The following EPHB1 variants were observed in gnomAD, a reference collection of about 807,000 sequenced individuals.
The protein encoded by EPHB1 is EPH receptor B1.
EPHB1 carries 30 observed loss-of-function variants against 94.4 expected under a neutral mutation model. The observed-to-expected ratio is 0.32, with a 90% CI of 0.24 to 0.43. EPHB1 has a LOEUF of 0.43. Among genes scored for constraint, EPHB1 ranks in the 20% least tolerant of loss-of-function variants. The pLI is 1.00. For synonymous variants in EPHB1, 522 were observed against 489.1 expected, an observed-to-expected ratio of 1.07 and a Z score of -0.89; for missense variants, 1,055 against 1,308.3, an observed-to-expected ratio of 0.81 and a Z score of 2.99.
intron 3 of EPHB1, among the ~76,000 whole-genome samples, chr3:135,044,148 T>C (rs968184828): frequency 6.6e-6 from 1 of 152,234 alleles, no homozygotes; most frequent in Non-Finnish European, 1.5e-5. Flanking sequence ...TTATTGCAGC[T>C]TGCCAGGATG....
chr3:135,123,465 G>A (rs1268887980), intron 4 of EPHB1, among the ~76,000 whole-genome samples: 2 of 152,228 alleles, frequency 1.3e-5, no homozygotes, highest in African/African-American at 2.4e-5. Context: ...TCTGCTCCAG[G>A]GAAAGGACCC....
Position 134,811,242 on chromosome 3 carries a change from GTTTTTTT to G in EPHB1, c.58+15568_58+15574del, listed in dbSNP as rs397966930. On this transcript the variant is annotated intron_variant, in intron 1 of 15. Transcript: ENST00000398015. ...TCTCATAGTTGCCCCTACTAAGAAG[GTTTTTTT>G]TTTTTTTTTTTTTTCTGTCTTGCTC... Among the ~76,000 whole-genome samples, 11 of 73,850 alleles carry G rather than the reference GTTTTTTT, an allele frequency of 1.5e-4. 1 individual carries two copies. The highest frequency in any genetic ancestry group is 2.2e-4 in the Non-Finnish European group (8 of 36,388). 48.4% of individuals were successfully genotyped at this position (73,850 alleles called of 152,430 possible).
intron 1 of EPHB1, among the ~76,000 whole-genome samples, chr3:134,909,215 C>T (rs72986049): frequency 0.02 from 3,056 of 151,926 alleles, 120 homozygotes; most frequent in African/African-American, 0.069. Flanking sequence ...GAAGGGATGC[C>T]ATGGAGAAAG....
chr3:135,126,987 C>G (rs1188251933), intron 4 of EPHB1, among the ~76,000 whole-genome samples: 1 of 152,194 alleles, frequency 6.6e-6, no homozygotes, highest in Non-Finnish European at 1.5e-5. Flanking sequence ...ACAAATACTA[C>G]TACTACCACT....
At chr3:134,839,052 A>G (rs140799585) in intron 1 of EPHB1, among the ~76,000 whole-genome samples, 7 of 152,356 alleles carry the variant, frequency 4.6e-5, no homozygotes, top group Non-Finnish European at 8.8e-5. Flanking sequence ...ACTATGTGCT[A>G]GGCATTGTAT....
At chr3:135,197,128 T>A (rs940398631) in intron 11 of EPHB1, among the ~76,000 whole-genome samples, 11 of 149,398 alleles carry the variant, frequency 7.4e-5, no homozygotes, top group Admixed American at 6.0e-4. Flanking sequence ...ACAAAAAAAA[T>A]AATAATAAGC....
chr3:134,952,142 C>T, intron 3 of EPHB1, 90 bp downstream of exon 3: 3 of 1,345,580 alleles, frequency 2.2e-6, no homozygotes, highest in East Asian at 2.3e-5. Flanking sequence ...CATACAGGAA[C>T]AGAAAATAGT....
chr3:135,014,555 A>G (rs1935728212), intron 3 of EPHB1, among the ~76,000 whole-genome samples: 1 of 152,212 alleles, frequency 6.6e-6, no homozygotes, highest in African/African-American at 2.4e-5. Context: ...TAAATGTTTA[A>G]TTTTAATGCA....
chr3:135,014,802 A>G (rs1935738624), intron 3 of EPHB1, among the ~76,000 whole-genome samples: 1 of 152,206 alleles, frequency 6.6e-6, no homozygotes, highest in Admixed American at 6.5e-5. Flanking sequence ...CTGGCATTCC[A>G]CAGTGATGGC....
chr3:134,904,314 C>T (rs746521382), intron 1 of EPHB1, among the ~76,000 whole-genome samples: 6 of 152,184 alleles, frequency 3.9e-5, no homozygotes, highest in Non-Finnish European at 8.8e-5. Context: ...TACAGTGAAA[C>T]CAGTTTAATT....
intron 12 of EPHB1, among the ~76,000 whole-genome samples, chr3:135,209,353 C>T (rs1419222716): frequency 6.6e-6 from 1 of 152,198 alleles, no homozygotes; most frequent in Non-Finnish European, 1.5e-5. Context: ...GAGAAAGTAA[C>T]TTTACAGAGA....
At chr3:134,910,238 GCCCT>G (rs1328955787) in intron 1 of EPHB1, among the ~76,000 whole-genome samples, 1 of 152,110 alleles carries the variant, frequency 6.6e-6, no homozygotes, top group Non-Finnish European at 1.5e-5. Context: ...ACCCCTCCTT[GCCCT>G]CCCTTCCTCC....
chr3:135,066,031 T>A (rs994444627), intron 3 of EPHB1, among the ~76,000 whole-genome samples: 8 of 152,244 alleles, frequency 5.3e-5, no homozygotes, highest in Non-Finnish European at 1.0e-4. Flanking sequence ...AGGGTCCCAG[T>A]CCCTTCTAGC....
chr3:135,183,981 T>A (rs1405883587), intron 10 of EPHB1, among the ~76,000 whole-genome samples: 1 of 152,164 alleles, frequency 6.6e-6, no homozygotes, highest in Non-Finnish European at 1.5e-5. Flanking sequence ...TGGGAAACAA[T>A]CGCTAAAACC....
intron 1 of EPHB1, among the ~76,000 whole-genome samples, chr3:134,837,743 A>G (rs2036699522): frequency 6.6e-6 from 1 of 152,228 alleles, no homozygotes; most frequent in Admixed American, 6.5e-5. Context: ...GATATTGAAC[A>G]TCAGCCAATA....
At chr3:135,229,856 G>A (rs1943490676) in intron 12 of EPHB1, among the ~76,000 whole-genome samples, 1 of 152,208 alleles carries the variant, frequency 6.6e-6, no homozygotes, top group South Asian at 2.1e-4. Context: ...TAGCCTCCAT[G>A]CACAGGGCAG....
intron 1 of EPHB1, among the ~76,000 whole-genome samples, chr3:134,837,990 G>A (rs987938277): frequency 2.0e-5 from 3 of 152,160 alleles, no homozygotes; most frequent in Admixed American, 1.3e-4. Flanking sequence ...TAGGCAGGGG[G>A]TGAGGGCAGG....
chr3:134,969,681 T>A (rs1451885343), intron 3 of EPHB1, among the ~76,000 whole-genome samples: 1 of 152,218 alleles, frequency 6.6e-6, no homozygotes, highest in African/African-American at 2.4e-5. Context: ...CCCTCACAGG[T>A]CTGATGACTA....
chr3:135,037,468 T>G (rs1026632263), intron 3 of EPHB1, among the ~76,000 whole-genome samples: 2 of 152,196 alleles, frequency 1.3e-5, no homozygotes, highest in Non-Finnish European at 2.9e-5. Flanking sequence ...TAAAGGTCAC[T>G]AGCATTAGCT....
Sources: gnomAD v4.1 joint callset for allele counts (sites outside exome capture counted in the v4.1 genomes callset) on GRCh38, gnomAD v4.1.1 for gene constraint, MANE v1.5 for transcripts, NCBI Gene and HGNC (gene_info 2026-07-23, HGNC 2026-07-21) for gene names.